The following GFI1B variants were observed in gnomAD, a reference collection of about 807,000 sequenced individuals.
GFI1B encodes the protein zinc finger protein Gfi-1b.
GFI1B carries 20 observed loss-of-function variants against 35.3 expected under a neutral mutation model. The observed-to-expected ratio is 0.57, with a 90% CI of 0.40 to 0.82. The LOEUF (loss-of-function observed/expected upper bound fraction) is 0.82. Ranked by LOEUF, GFI1B falls within the 40% of genes least tolerant of loss-of-function variation. The pLI is 0.00. For missense variants in GFI1B, 430 were observed against 446.3 expected (o/e 0.96, Z 0.33); for synonymous variants, 178 against 177.6 (o/e 1.00, Z -0.02).
chr9:132,954,333 T>C (rs999291543), intron 1 of GFI1B, among the ~76,000 whole-genome samples: 1 of 152,016 alleles, frequency 6.6e-6, no homozygotes, highest in Admixed American at 6.6e-5. Context: ...CCAGCACTTT[T>C]GGAGGCTGAG....
rs754439744 is a variant in GFI1B at position 132,989,788 on chromosome 9, C to G, written c.695C>G (p.Ser232Trp). Residue 232 changes from serine (S) to tryptophan (W), a missense_variant, in exon 6 of 7, where the codon TCG (serine) becomes TGG (tryptophan). By Grantham distance (177) the Ser-to-Trp change is radical (BLOSUM62 -3). Transcript: ENST00000372122. The surrounding 1 kb of genome is among the most constrained non-coding windows in gnomAD (Gnocchi z 6.2). ...ATGTGCGGCAAGGCCTTCAAGCGCT[C>G]GTCCACGCTGTCCACCCACCTGCTC... ...CRMCGKAFKR[S>W]STLSTHLLIH... 15 of 1,614,004 alleles carry G rather than the reference C, an allele frequency of 9.3e-6. No individual in the cohort carries two copies. Among genetic ancestry groups the G allele is most frequent in the Middle Eastern group, 1.6e-4 (1 of 6,062 alleles).
chr9:132,988,110 T>G, intron 3 of GFI1B, 87 bp from the exon 4 acceptor site: 9 of 1,260,658 alleles, frequency 7.1e-6, no homozygotes, highest in Non-Finnish European at 1.0e-5. Flanking sequence ...CCTCCCAAAG[T>G]GCTGGAATTG....
upstream of GFI1B, among the ~76,000 whole-genome samples, chr9:132,978,195 G>A (rs1848689717): frequency 6.6e-6 from 1 of 150,578 alleles, no homozygotes; most frequent in African/African-American, 2.4e-5. Flanking sequence ...GGAGAAGGAG[G>A]GAGGGAGGGA....
intron 1 of GFI1B, among the ~76,000 whole-genome samples, chr9:132,981,877 C>T (rs556835474): frequency 2.5e-4 from 38 of 152,222 alleles, no homozygotes; most frequent in Non-Finnish European, 4.9e-4. Context: ...CTCAGCCTCC[C>T]GAGTAGCTGG....
rs1362858859 is a variant in GFI1B at position 132,989,251 on chromosome 9, C to T, written c.648+53C>T. 1 of 1,561,416 alleles carries T rather than the reference C, an allele frequency of 6.4e-7. No individual in the cohort carries two copies. Among genetic ancestry groups the T allele is most frequent in the African/African-American group, 1.4e-5 (1 of 74,014 alleles). ...CCAGCCCCACTCCTTCTCTGTGCTT[C>T]CCCAGGGAGCCTGGGGGCTGTGGCT... On this transcript the variant is annotated intron_variant, in intron 5 of 6. Coordinates refer to ENST00000372122, the MANE Select transcript of GFI1B (RefSeq NM_001377304.1). The surrounding 1 kb of genome is among the most constrained non-coding windows in gnomAD (Gnocchi z 6.2).
chr9:132,968,052 G>A (rs186184548), intron 1 of GFI1B, among the ~76,000 whole-genome samples: 242 of 151,892 alleles, frequency 1.6e-3, no homozygotes, highest in Non-Finnish European at 2.9e-3. Flanking sequence ...AAAGTACTGG[G>A]ATTACAGGTG....
At position 132,990,062 on chromosome 9, in the gene GFI1B, A is replaced by C. The variant is rs146563054; in HGVS notation, c.814+155A>C. ...GGAGGGCTGGGCACCTGTGCTACTT[A>C]AGTGCACTTAATGCATGGAAAAAAA... On this transcript the variant is annotated intron_variant, in intron 6 of 6. Transcript: ENST00000372122. Among the ~76,000 whole-genome samples the C allele has an allele frequency of 3.4e-3, 523 of 152,354 alleles. 3 individuals carry two copies. Among genetic ancestry groups the C allele is most frequent in the African/African-American group, 0.012 (483 of 41,574 alleles).
intron 3 of GFI1B, among the ~76,000 whole-genome samples, chr9:132,987,921 T>C (rs1432347478): frequency 2.0e-5 from 3 of 152,188 alleles, no homozygotes; most frequent in African/African-American, 7.2e-5. Flanking sequence ...CTCAACTCAC[T>C]GCAACCTCTG....
At position 132,988,276 on chromosome 9, in the gene GFI1B, C is replaced by T. The variant is rs775685300; in HGVS notation, c.318C>T (p.Phe106=). The T allele has an allele frequency of 1.2e-6, 2 of 1,614,154 alleles. No homozygotes were observed. Among genetic ancestry groups the T allele is most frequent in the Admixed American group, 1.7e-5 (1 of 60,030 alleles). ...SDSPPFYKPS[F]SWDTLATTYG... The stretch of plus-strand genomic sequence containing the variant: ...CACCCCCATTCTACAAGCCTAGCTT[C>T]TCCTGGGACACCTTGGCCACAACCT... The change falls in exon 4 of 7, where the codon TTC becomes TTT. Residue 106 remains phenylalanine, a synonymous_variant. Coordinates refer to ENST00000372122, the MANE Select transcript of GFI1B (RefSeq NM_001377304.1).
chr9:132,967,309 T>C (rs1848464365), intron 1 of GFI1B, among the ~76,000 whole-genome samples: 1 of 152,080 alleles, frequency 6.6e-6, no homozygotes, highest in Non-Finnish European at 1.5e-5. Flanking sequence ...CAGCAGAAAA[T>C]GGACTAAGAC....
At chr9:132,974,837 G>T (rs966384610), upstream of GFI1B, among the ~76,000 whole-genome samples, 2 of 152,162 alleles carry the variant, frequency 1.3e-5, no homozygotes, top group African/African-American at 2.4e-5. Flanking sequence ...CAGAGGGCAC[G>T]AGAAGTGCCA....
At chr9:132,980,453 G>C (rs1848784564) in intron 1 of GFI1B, among the ~76,000 whole-genome samples, 1 of 152,206 alleles carries the variant, frequency 6.6e-6, no homozygotes, top group South Asian at 2.1e-4. Flanking sequence ...AGCTGCTTTA[G>C]TCTATAATAT....
At chr9:132,970,217 G>C (rs1848512299) in intron 1 of GFI1B, among the ~76,000 whole-genome samples, 1 of 152,110 alleles carries the variant, frequency 6.6e-6, no homozygotes, top group African/African-American at 2.4e-5. Flanking sequence ...CCTGGGTCTG[G>C]AGACTGGAGC....
upstream of GFI1B, among the ~76,000 whole-genome samples, chr9:132,974,435 AC>A (rs1848588934): frequency 6.6e-6 from 1 of 151,814 alleles, no homozygotes; most frequent in Non-Finnish European, 1.5e-5. Flanking sequence ...CTCTATCTCT[AC>A]TAAAAACACA....
chr9:132,969,877 G>A (rs1848506484), intron 1 of GFI1B, among the ~76,000 whole-genome samples: 1 of 152,134 alleles, frequency 6.6e-6, no homozygotes, highest in African/African-American at 2.4e-5. Flanking sequence ...AAAGCAGCAG[G>A]AAGAGAACAA....
At chr9:132,990,791 C>T (rs990532060) in intron 6 of GFI1B, 81 bp from the exon 7 acceptor site, 17 of 1,308,486 alleles carry the variant, frequency 1.3e-5, no homozygotes, top group Non-Finnish European at 1.6e-5. Context: ...AAAATGAACC[C>T]GGGGGCAGGG....
intron 1 of GFI1B, among the ~76,000 whole-genome samples, chr9:132,961,615 G>A (rs2905080): frequency 3.5e-5 from 5 of 143,810 alleles, no homozygotes; most frequent in South Asian, 2.2e-4. Context: ...TTTTTGAGAC[G>A]GAGTCTCGCT....
At chr9:132,976,212 A>G (rs1242058075), upstream of GFI1B, among the ~76,000 whole-genome samples, 2 of 149,804 alleles carry the variant, frequency 1.3e-5, no homozygotes, top group East Asian at 3.8e-4. Flanking sequence ...TGAAACCATT[A>G]AAGATTTAAT....
chr9:132,969,361 C>G (rs1364778862), intron 1 of GFI1B, among the ~76,000 whole-genome samples: 1 of 152,200 alleles, frequency 6.6e-6, no homozygotes, highest in Non-Finnish European at 1.5e-5. Context: ...CTCTAGGTAA[C>G]TCAGGTAAAT....
Sources: gnomAD v4.1 joint callset for allele counts (sites outside exome capture counted in the v4.1 genomes callset) on GRCh38, gnomAD v4.1.1 for gene constraint, Gnocchi (gnomAD v3.1) non-coding constraint, MANE v1.5 for transcripts, NCBI Gene and HGNC (gene_info 2026-07-23, HGNC 2026-07-21) for gene names.